The following MYOCD variants were observed in gnomAD, a reference collection of about 807,000 sequenced individuals.
MYOCD encodes myocardin.
In MYOCD, 32 loss-of-function variants were observed where a neutral mutation model predicts 96.1. The observed-to-expected ratio is 0.33, with a 90% CI of 0.25 to 0.45. The LOEUF (loss-of-function observed/expected upper bound fraction) is 0.45, where lower values mean the gene tolerates loss of function less well. MYOCD is among the 20% of genes least tolerant of loss of function. The pLI, the probability that MYOCD is intolerant of heterozygous loss-of-function variation, is 1.00. For missense variants in MYOCD, 1,133 were observed against 1,200.6 expected, an observed-to-expected ratio of 0.94 and a Z score of 0.83; for synonymous variants, 469 against 469.0, an observed-to-expected ratio of 1.00 and a Z score of 0.00.
chr17:12,738,874 A>G (rs2032422230), intron 6 of MYOCD, among the ~76,000 whole-genome samples: 3 of 151,922 alleles, frequency 2.0e-5, no homozygotes, highest in Admixed American at 2.0e-4. Context: ...GACCAGTTTT[A>G]TACCTGTCTT....
intron 1 of MYOCD, among the ~76,000 whole-genome samples, chr17:12,694,265 C>T (rs1265215529): frequency 3.3e-5 from 5 of 152,074 alleles, no homozygotes; most frequent in Non-Finnish European, 5.9e-5. Context: ...AAAAGGCATC[C>T]GGGAAGGGGC....
At chr17:12,699,498 C>A (rs986597474) in intron 1 of MYOCD, among the ~76,000 whole-genome samples, 2 of 152,176 alleles carry the variant, frequency 1.3e-5, no homozygotes, top group Non-Finnish European at 2.9e-5. Context: ...AAAGATGATG[C>A]CCGAAATCAG....
intron 4 of MYOCD, among the ~76,000 whole-genome samples, chr17:12,722,210 TA>T (rs2031859314): frequency 6.6e-6 from 1 of 152,180 alleles, no homozygotes. Flanking sequence ...GGGCCCAACC[TA>T]AAAAGGAAGT....
At chr17:12,677,098 G>T (rs540769804) in intron 1 of MYOCD, among the ~76,000 whole-genome samples, 1 of 152,242 alleles carries the variant, frequency 6.6e-6, no homozygotes, top group South Asian at 2.1e-4. Context: ...CATGTCCTTT[G>T]CAGGGACATG....
At chr17:12,734,127 T>C (rs1307733667) in intron 5 of MYOCD, among the ~76,000 whole-genome samples, 1 of 151,602 alleles carries the variant, frequency 6.6e-6, no homozygotes, top group Non-Finnish European at 1.5e-5. Context: ...ATTTTGCAAT[T>C]TGGTTAATTT....
In MYOCD at chr17:12,763,436, C is replaced by T. The variant is rs1567605374; in HGVS notation, c.2753C>T (p.Pro918Leu). Residue 918 changes from proline (P) to leucine (L), a missense_variant, in exon 14 of 14, where the codon CCC becomes CTC. Coordinates refer to ENST00000425538, the MANE Select transcript of MYOCD (RefSeq NM_001146312.3). ...PLSPMQTQFS[P>L]SSVDSNGLQL... The stretch of plus-strand genomic sequence containing the variant: ...TCTCCAATGCAGACACAGTTTTCAC[C>T]CTCTTCTGTGGACAGCAATGGGCTG... 23 of 1,613,322 alleles carry T rather than the reference C, an allele frequency of 1.4e-5. No individual in the cohort carries two copies. Among genetic ancestry groups the T allele is most frequent in the Admixed American group, 1.7e-5 (1 of 59,958 alleles).
intron 8 of MYOCD, among the ~76,000 whole-genome samples, chr17:12,744,794 A>G (rs994630588): frequency 4.6e-5 from 7 of 152,236 alleles, no homozygotes; most frequent in African/African-American, 1.7e-4. Context: ...AATAATAGCT[A>G]GCAATAATGT....
chr17:12,705,223 A>G, intron 2 of MYOCD, 30 bp downstream of exon 2: 1 of 1,537,550 alleles, frequency 6.5e-7, no homozygotes, highest in African/African-American at 1.4e-5. Flanking sequence ...AATTACTGAT[A>G]TACATAGGGC....
chr17:12,724,522 T>C (rs2150692133), intron 5 of MYOCD, among the ~76,000 whole-genome samples: 1 of 152,116 alleles, frequency 6.6e-6, no homozygotes, highest in South Asian at 2.1e-4. Flanking sequence ...TTTATTTTTT[T>C]ATATGGTCAA....
At chr17:12,755,180 G>A (rs2032975811) in intron 10 of MYOCD, among the ~76,000 whole-genome samples, 1 of 152,172 alleles carries the variant, frequency 6.6e-6, no homozygotes, top group Non-Finnish European at 1.5e-5. Flanking sequence ...AGTGTCCTGG[G>A]AAACAAAGGT....
intron 1 of MYOCD, among the ~76,000 whole-genome samples, chr17:12,689,685 G>A (rs1392142065): frequency 1.3e-5 from 2 of 152,064 alleles, no homozygotes; most frequent in Non-Finnish European, 2.9e-5. Context: ...ACAAAAATTA[G>A]CTGGGCATGA....
At chr17:12,673,962 T>C (rs1166193433) in intron 1 of MYOCD, among the ~76,000 whole-genome samples, 1 of 152,208 alleles carries the variant, frequency 6.6e-6, no homozygotes, top group Non-Finnish European at 1.5e-5. Flanking sequence ...CTAATGCCTT[T>C]GGAAACTTCC....
At chr17:12,713,757 C>T (rs747763452) in intron 2 of MYOCD, among the ~76,000 whole-genome samples, 2 of 151,970 alleles carry the variant, frequency 1.3e-5, no homozygotes, top group African/African-American at 2.4e-5. Context: ...CACCTGCGAT[C>T]AAACACAGGA....
intron 4 of MYOCD, chr17:12,720,602 A>C (rs1288807383): frequency 6.6e-6 from 1 of 152,284 alleles, no homozygotes; most frequent in East Asian, 1.9e-4. Context: ...TTTGCTGCCA[A>C]ATTCTGGGAA....
Position 12,752,770 on chromosome 17 carries a change from G to A in MYOCD, c.1482G>A (p.Glu494=), listed in dbSNP as rs752648744. The stretch of plus-strand genomic sequence containing the variant: ...CGTCCCCAGTCCACGTGTGCACGGA[G>A]GAAAGTCTCATGAGCAGCCTGAATG... ...LHPSPVHVCT[E]ESLMSSLNGG... is the part of the protein sequence containing the mutation. The change falls in exon 10 of 14, where the codon GAG becomes GAA. Residue 494 remains glutamate, a synonymous_variant. Transcript: ENST00000425538. 6 of 1,614,116 alleles carry A rather than the reference G, an allele frequency of 3.7e-6. No homozygotes were observed. The Admixed American group carries it at 1.0e-4, about 27-fold the overall frequency.
intron 2 of MYOCD, among the ~76,000 whole-genome samples, chr17:12,714,582 G>A (rs2150682342): frequency 6.6e-6 from 1 of 152,228 alleles, no homozygotes; most frequent in Admixed American, 6.5e-5. Context: ...ATTATTTGTG[G>A]CTCCTGATTG....
chr17:12,745,954 C>T lies in MYOCD; in HGVS notation c.1007C>T (p.Ser336Phe), dbSNP rs1297794451. Residue 336 changes from serine (S) to phenylalanine (F), a missense_variant, in exon 9 of 14, where the codon TCT becomes TTT. Coordinates refer to ENST00000425538, the MANE Select transcript of MYOCD (RefSeq NM_001146312.3). ...GAACAGATGGTCAGAAATCCAAACT[C>T]TTCTTCAACGCCACTGAGCAATACC... ...PNEQMVRNPN[S>F]SSTPLSNTPL... The T allele has an allele frequency of 6.2e-7, 1 of 1,614,062 alleles. No homozygotes were observed. The highest frequency in any genetic ancestry group is 8.5e-7 in the Non-Finnish European group (1 of 1,180,040).
intron 1 of MYOCD, among the ~76,000 whole-genome samples, chr17:12,697,367 T>A (rs867622682): frequency 0.071 from 8,101 of 114,402 alleles, 216 homozygotes; most frequent in Middle Eastern, 0.11. Context: ...ATATTTTTTT[T>A]TTTTTTTTTT....
At chr17:12,703,764 C>G (rs1489219904) in intron 1 of MYOCD, among the ~76,000 whole-genome samples, 3 of 151,310 alleles carry the variant, frequency 2.0e-5, no homozygotes, top group Non-Finnish European at 3.0e-5. Flanking sequence ...TTTTTTTCAT[C>G]TTTTTTCTCT....
Sources: allele counts gnomAD v4.1 joint callset (sites outside exome capture counted in the v4.1 genomes callset), GRCh38; gene constraint gnomAD v4.1.1; transcripts MANE v1.5; gene names NCBI Gene and HGNC (gene_info 2026-07-23, HGNC 2026-07-21).